Variants in ANKS1B observed in about 807,000 individuals in gnomAD.
ANKS1B encodes the protein ankyrin repeat and sterile alpha motif domain-containing protein 1B.
In ANKS1B, 36 loss-of-function variants were observed where a neutral mutation model predicts 148.3. The ratio of observed to expected loss-of-function variants is 0.24; its 90% confidence interval spans 0.19 to 0.32. The LOEUF (loss-of-function observed/expected upper bound fraction) is 0.32, where lower values mean the gene tolerates loss of function less well. ANKS1B is among the 10% of genes least tolerant of loss of function. The pLI, the probability that ANKS1B is intolerant of heterozygous loss-of-function variation, is 1.00. For synonymous variants in ANKS1B, 542 were observed against 560.8 expected, an observed-to-expected ratio of 0.97 and a Z score of 0.47; for missense variants, 1,157 against 1,542.6, an observed-to-expected ratio of 0.75 and a Z score of 4.19.
chr12:99,614,352 T>C (rs1319776312), intron 9 of ANKS1B, among the ~76,000 whole-genome samples: 2 of 151,676 alleles, frequency 1.3e-5, no homozygotes, highest in Admixed American at 1.3e-4. Context: ...TGAGAATCAC[T>C]TGAATGCAGG....
At chr12:99,070,075 T>G (rs1195445020) in intron 16 of ANKS1B, among the ~76,000 whole-genome samples, 1 of 152,238 alleles carries the variant, frequency 6.6e-6, no homozygotes, top group Non-Finnish European at 1.5e-5. Context: ...CTTAGAATAG[T>G]GCCTGGCACG....
At chr12:99,050,291 T>A (rs1271197446) in intron 17 of ANKS1B, among the ~76,000 whole-genome samples, 1 of 152,174 alleles carries the variant, frequency 6.6e-6, no homozygotes, top group African/African-American at 2.4e-5. Context: ...CCCAAAACCA[T>A]CACATGAACT....
chr12:99,165,707 AG>A (rs2077126485), intron 14 of ANKS1B, among the ~76,000 whole-genome samples: 1 of 147,656 alleles, frequency 6.8e-6, no homozygotes, highest in African/African-American at 2.5e-5. Flanking sequence ...ATATAGTGAA[AG>A]AAATAATAGC....
intron 12 of ANKS1B, among the ~76,000 whole-genome samples, chr12:99,321,991 G>A (rs978746884): frequency 6.6e-6 from 1 of 152,144 alleles, no homozygotes; most frequent in Non-Finnish European, 1.5e-5. Flanking sequence ...ATCTGTCCCA[G>A]CAATCCCATT....
intron 14 of ANKS1B, among the ~76,000 whole-genome samples, chr12:99,217,554 T>G (rs908051007): frequency 3.3e-5 from 5 of 152,160 alleles, no homozygotes; most frequent in Non-Finnish European, 1.5e-5. Flanking sequence ...GCTTTTCCTT[T>G]CCTTGCCTAT....
chr12:99,327,343 T>G (rs1351654974), intron 12 of ANKS1B, among the ~76,000 whole-genome samples: 24 of 127,280 alleles, frequency 1.9e-4, no homozygotes, highest in Non-Finnish European at 3.5e-4. Context: ...AATTATATAT[T>G]ATAATTACAT....
At chr12:99,279,004 A>G (rs930308745) in intron 12 of ANKS1B, among the ~76,000 whole-genome samples, 15 of 152,146 alleles carry the variant, frequency 9.9e-5, no homozygotes, top group African/African-American at 3.6e-4. Context: ...TCCCCTGAAG[A>G]CAAAGACTGT....
intron 25 of ANKS1B, among the ~76,000 whole-genome samples, chr12:98,752,238 G>C (rs917760659): frequency 4.6e-5 from 7 of 150,586 alleles, no homozygotes; most frequent in African/African-American, 1.5e-4. Flanking sequence ...GACCTCCCAA[G>C]GCTGTGTCAC....
chr12:98,983,359 A>T (rs2153232269), intron 17 of ANKS1B, among the ~76,000 whole-genome samples: 1 of 152,206 alleles, frequency 6.6e-6, no homozygotes, highest in East Asian at 1.9e-4. Context: ...TCCTTGTCCC[A>T]TAGCCCCCTC....
intron 25 of ANKS1B, among the ~76,000 whole-genome samples, chr12:98,768,690 T>C (rs1170436184): frequency 2.1e-4 from 31 of 144,600 alleles, no homozygotes; most frequent in Non-Finnish European, 3.4e-4. Context: ...GCAGAGATCG[T>C]GCCACTGCAC....
At chr12:99,034,876 G>A (rs529154527) in intron 17 of ANKS1B, among the ~76,000 whole-genome samples, 1 of 152,170 alleles carries the variant, frequency 6.6e-6, no homozygotes, top group East Asian at 1.9e-4. Flanking sequence ...GGAGATTTAG[G>A]GTTATAAAAA....
At chr12:99,522,465 C>T (rs1049470511) in intron 9 of ANKS1B, among the ~76,000 whole-genome samples, 7 of 151,890 alleles carry the variant, frequency 4.6e-5, no homozygotes, top group African/African-American at 1.7e-4. Flanking sequence ...AACATTATGC[C>T]CCCCAAGAAA....
chr12:99,011,113 C>A (rs1328588127), intron 17 of ANKS1B, among the ~76,000 whole-genome samples: 2 of 152,066 alleles, frequency 1.3e-5, no homozygotes, highest in Non-Finnish European at 2.9e-5. Flanking sequence ...TCACCTCCCA[C>A]CCTGACTGCA....
intron 8 of ANKS1B, among the ~76,000 whole-genome samples, chr12:99,705,386 T>C (rs2055576143): frequency 6.6e-6 from 1 of 152,002 alleles, no homozygotes. Flanking sequence ...GAACTTCCCA[T>C]TAGGAGCTTA....
At chr12:98,975,544 C>A (rs2099893507) in intron 17 of ANKS1B, among the ~76,000 whole-genome samples, 1 of 152,108 alleles carries the variant, frequency 6.6e-6, no homozygotes, top group East Asian at 1.9e-4. Context: ...GAGCTTACTT[C>A]CTAGTGGGGG....
chr12:98,742,582 A>C (rs757945322), downstream of ANKS1B, among the ~76,000 whole-genome samples: 15 of 152,366 alleles, frequency 9.8e-5, no homozygotes, highest in Admixed American at 5.9e-4. Context: ...GAAACAGTTA[A>C]GTGGAGTTGG....
intron 12 of ANKS1B, among the ~76,000 whole-genome samples, chr12:99,368,346 C>G (rs1051895141): frequency 6.6e-6 from 1 of 151,808 alleles, no homozygotes; most frequent in African/African-American, 2.4e-5. Flanking sequence ...AGCCATGTAA[C>G]AAACCTGCAC....
chr12:99,104,418 G>T (rs1310308849), intron 15 of ANKS1B: 2 of 152,142 alleles, frequency 1.3e-5, no homozygotes, highest in Non-Finnish European at 2.9e-5. Context: ...ACTGGCCTTA[G>T]GCAATATTGA....
intron 17 of ANKS1B, among the ~76,000 whole-genome samples, chr12:98,964,658 G>A (rs1041141885): frequency 2.0e-5 from 3 of 152,158 alleles, no homozygotes; most frequent in Non-Finnish European, 4.4e-5. Context: ...TGTCAACAAC[G>A]TGGATGGAAC....
Sources: gnomAD v4.1 joint callset for allele counts (sites outside exome capture counted in the v4.1 genomes callset) on GRCh38, gnomAD v4.1.1 for gene constraint, MANE v1.5 for transcripts, NCBI Gene and HGNC (gene_info 2026-07-23, HGNC 2026-07-21) for gene names.